The following KIAA1549 variants were observed in gnomAD, a reference collection of about 807,000 sequenced individuals.
The protein encoded by KIAA1549 is UPF0606 protein KIAA1549.
Under a neutral mutation model 156.4 loss-of-function variants are expected in KIAA1549, and 70 were observed. That is an observed-to-expected ratio of 0.45 (90% CI 0.37 to 0.55). The LOEUF is 0.55. Ranked by LOEUF, KIAA1549 falls within the 20% of genes least tolerant of loss-of-function variation. The pLI is 0.00. For missense variants in KIAA1549, 2,428 were observed against 2,540.9 expected (o/e 0.96, Z 0.96); for synonymous variants, 1,103 against 1,066.4 (o/e 1.03, Z -0.67).
chr7:138,977,076 C>T (rs183149318), intron 1 of KIAA1549, among the ~76,000 whole-genome samples: 3 of 152,240 alleles, frequency 2.0e-5, no homozygotes, highest in African/African-American at 7.2e-5. Context: ...AAATTTCACA[C>T]ACCATAAGCA....
intron 6 of KIAA1549, among the ~76,000 whole-genome samples, chr7:138,905,314 C>T (rs2130454928): frequency 6.6e-6 from 1 of 152,324 alleles, no homozygotes; most frequent in Admixed American, 6.5e-5. Context: ...CAGGACACTG[C>T]TTCACAGAGA....
At chr7:138,875,648 A>T (rs1811063686) in intron 12 of KIAA1549, among the ~76,000 whole-genome samples, 1 of 152,230 alleles carries the variant, frequency 6.6e-6, no homozygotes, top group African/African-American at 2.4e-5. Flanking sequence ...AAAATAAAAA[A>T]TTACAGCATA....
In KIAA1549 at chr7:138,981,145, G is replaced by C; in HGVS notation, c.125C>G (p.Pro42Arg). The change falls in exon 1 of 20, where the codon CCG (proline) becomes CGG (arginine). Residue 42 changes from proline (P) to arginine (R), a missense_variant. Physicochemically the swap from Pro to Arg is moderately radical, Grantham distance 103. This residue lies in a region of KIAA1549 where 893 missense variants were observed against 847.9 expected (regional missense o/e 1.05). Transcript: ENST00000422774. This position sits in a 1 kb window ranked among gnomAD's most constrained non-coding sequence, Gnocchi z 4.5. ...CCAGAGGCCAGGAAGCAGCAGCCCC[G>C]GGCGGCGGCGGCGGGCGCAGCGGGC... is the stretch of plus-strand genomic sequence containing the variant. ...PSARCARRRRPGLLLPGLWLL... is the reference protein window; with the variant it reads ...PSARCARRRRRGLLLPGLWLL... The C allele has an allele frequency of 8.3e-7, 1 of 1,203,928 alleles. No homozygotes were observed. The highest frequency in any genetic ancestry group is 1.0e-6 in the Non-Finnish European group (1 of 969,724). The allele number at this position is 1,203,928 out of a possible 1,614,324, so 74.6% of individuals were successfully genotyped here. A position where few individuals can be genotyped will look rare whatever the true frequency, so the allele number is the denominator to read the frequency against.
chr7:138,931,752 CA>C (rs71169066), intron 1 of KIAA1549, among the ~76,000 whole-genome samples: 98 of 101,446 alleles, frequency 9.7e-4, no homozygotes, highest in Non-Finnish European at 1.4e-3. Context: ...AGTCCCATCT[CA>C]AAAAAAAAAA....
At chr7:138,945,233 G>C (rs114462331) in intron 1 of KIAA1549, among the ~76,000 whole-genome samples, 1 of 152,170 alleles carries the variant, frequency 6.6e-6, no homozygotes, top group South Asian at 2.1e-4. Context: ...GACTCTCTGA[G>C]GGGGTGAGGC....
chr7:138,913,709 A>T (rs1400534579), intron 2 of KIAA1549, among the ~76,000 whole-genome samples: 1 of 152,120 alleles, frequency 6.6e-6, no homozygotes, highest in Non-Finnish European at 1.5e-5. Context: ...TTATTAGTTT[A>T]TGAGACCACT....
intron 1 of KIAA1549, among the ~76,000 whole-genome samples, chr7:138,932,621 T>C (rs540123745): frequency 6.6e-6 from 1 of 152,228 alleles, no homozygotes; most frequent in South Asian, 2.1e-4. Flanking sequence ...CAAGAGGAGA[T>C]GTAGAGAAAT....
intron 10 of KIAA1549, among the ~76,000 whole-genome samples, chr7:138,891,065 C>T (rs532027836): frequency 6.6e-6 from 1 of 152,328 alleles, no homozygotes; most frequent in Non-Finnish European, 1.5e-5. Flanking sequence ...AAATGGGGTG[C>T]CCCCCTCCTC....
Position 138,844,350 on chromosome 7 carries a change from C to T in KIAA1549, c.5419G>A (p.Val1807Met), listed in dbSNP as rs1259444057. The change falls in exon 18 of 20, where the codon GTG becomes ATG. Residue 1807 changes from valine (V) to methionine (M), a missense_variant. Physicochemically the swap from Val to Met is conservative, Grantham distance 21. Coordinates refer to ENST00000422774, the MANE Select transcript of KIAA1549 (RefSeq NM_001164665.2). ...CCCCCGACAGGCCGAGGCCGGGCCA[C>T]CGACGGCATCTCCTCCGAGTAGATC... The part of the protein sequence containing the change: ...RGIYSEEMPS[V>M]ARPRPVGGTT... 2 of 1,613,950 alleles carry T rather than the reference C, an allele frequency of 1.2e-6. No homozygotes were observed. The highest frequency in any genetic ancestry group is 8.5e-7 in the Non-Finnish European group (1 of 1,179,866).
chr7:138,835,132 G>GC lies in KIAA1549; in HGVS notation c.*2773dup. 4.5e-6 allele frequency: 1 copy of GC among 222,386 alleles called. No individual in the cohort carries two copies. Among genetic ancestry groups the GC allele is most frequent in the East Asian group, 6.5e-5 (1 of 15,390 alleles). The allele number at this position is 222,386 out of a possible 1,614,324, so 13.8% of individuals were successfully genotyped here. On this transcript the variant is annotated 3_prime_UTR_variant, in exon 20 of 20. Transcript: ENST00000422774. ...GACTCCAAAGCCACACGCTGTCAAC[G>GC]CAAGGACCCTTCCTTTCAGTGGATG...
At chr7:138,951,507 G>A (rs1201373234) in intron 1 of KIAA1549, among the ~76,000 whole-genome samples, 2 of 152,164 alleles carry the variant, frequency 1.3e-5, no homozygotes, top group African/African-American at 4.8e-5. Flanking sequence ...GCTTACACAG[G>A]CTGGCCCTGG....
intron 16 of KIAA1549, among the ~76,000 whole-genome samples, chr7:138,856,535 C>A (rs1810397537): frequency 6.6e-6 from 1 of 152,160 alleles, no homozygotes; most frequent in Non-Finnish European, 1.5e-5. Context: ...CTGTTTCTGA[C>A]AACCATTCTT....
At chr7:138,901,251 A>G (rs1811832504) in intron 8 of KIAA1549, among the ~76,000 whole-genome samples, 1 of 152,010 alleles carries the variant, frequency 6.6e-6, no homozygotes, top group African/African-American at 2.4e-5. Context: ...TTTTCCTTCT[A>G]TTCTTTCTCC....
At chr7:138,977,468 G>GC (rs1276003754) in intron 1 of KIAA1549, among the ~76,000 whole-genome samples, 7 of 152,222 alleles carry the variant, frequency 4.6e-5, no homozygotes, top group African/African-American at 9.6e-5. Context: ...ATAATGGAAG[G>GC]CCCCTGCGTA....
rs750426922 is a variant in KIAA1549, at chr7:138,919,354, T to A, written c.272A>T (p.Gln91Leu). 2.5e-6 allele frequency: 4 copies of A among 1,614,034 alleles called. No individual in the cohort carries two copies. Among genetic ancestry groups the A allele is most frequent in the Non-Finnish European group, 3.4e-6 (4 of 1,179,900 alleles). ...GGGAGCAGTTTCTGTTAAGGCCACT[T>A]GTGCAGCGCTGTGCCCAGTGCTTTT... ...LKKSTGHSAAQVALTETAPGS... is the reference protein window; with the variant it reads ...LKKSTGHSAALVALTETAPGS... The change falls in exon 2 of 20, where the codon CAA becomes CTA. Residue 91 changes from glutamine (Q) to leucine (L), a missense_variant. Coordinates refer to ENST00000422774, the MANE Select transcript of KIAA1549 (RefSeq NM_001164665.2).
intron 1 of KIAA1549, among the ~76,000 whole-genome samples, chr7:138,944,810 G>C (rs1813293068): frequency 6.6e-6 from 1 of 152,166 alleles, no homozygotes; most frequent in Admixed American, 6.5e-5. Context: ...CATACTGTAT[G>C]ACTCCATTTA....
intron 15 of KIAA1549, among the ~76,000 whole-genome samples, chr7:138,861,658 C>G (rs1810585343): frequency 6.7e-6 from 1 of 148,418 alleles, no homozygotes; most frequent in South Asian, 2.1e-4. Context: ...TCGAGACCAG[C>G]CTGGGCAACA....
At chr7:138,903,206 T>C (rs1811892645) in intron 8 of KIAA1549, among the ~76,000 whole-genome samples, 1 of 152,224 alleles carries the variant, frequency 6.6e-6, no homozygotes, top group African/African-American at 2.4e-5. Context: ...TCCAGTTGAA[T>C]GATTTATCGC....
Position 138,911,329 on chromosome 7 carries a change from G to T in KIAA1549, c.2968-6C>A. 2 of 1,554,164 alleles carry T rather than the reference G, an allele frequency of 1.3e-6. No homozygotes were observed. The highest frequency in any genetic ancestry group is 1.7e-6 in the Non-Finnish European group (2 of 1,143,622). On this transcript the variant is annotated splice_region_variant and splice_polypyrimidine_tract_variant and intron_variant, in intron 3 of 19. Transcript: ENST00000422774. ...TCAGTAAATAGTTCGTAAACCTAGG[G>T]AAATAAGAAATACAAAGACAATTCA...
Sources: allele counts gnomAD v4.1 joint callset (sites outside exome capture counted in the v4.1 genomes callset), GRCh38; gene constraint gnomAD v4.1.1; regional missense constraint gnomAD v4.1.1; non-coding constraint Gnocchi (gnomAD v3.1); transcripts MANE v1.5; gene names NCBI Gene and HGNC (gene_info 2026-07-23, HGNC 2026-07-21).